Variants in ARHGAP26 observed in about 807,000 individuals in gnomAD.
ARHGAP26 encodes rho GTPase-activating protein 26.
Under a neutral mutation model 104.8 loss-of-function variants are expected in ARHGAP26, and 38 were observed. That is an observed-to-expected ratio of 0.36 (90% CI 0.28 to 0.48). ARHGAP26 has a LOEUF of 0.48. Ranked by LOEUF, ARHGAP26 falls within the 20% of genes least tolerant of loss-of-function variation. The pLI, the probability that ARHGAP26 is intolerant of heterozygous loss-of-function variation, is 0.99. For missense variants in ARHGAP26, 704 were observed against 947.9 expected, an observed-to-expected ratio of 0.74 and a Z score of 3.38; for synonymous variants, 341 against 340.0, an observed-to-expected ratio of 1.00 and a Z score of -0.03.
chr5:143,198,988 A>C (rs565735941), intron 20 of ARHGAP26, among the ~76,000 whole-genome samples: 1 of 152,374 alleles, frequency 6.6e-6, no homozygotes, highest in East Asian at 1.9e-4. Context: ...ATTGTAAACT[A>C]GTCAAGCTAT....
chr5:142,995,864 G>T (rs1297855378), intron 11 of ARHGAP26, among the ~76,000 whole-genome samples: 1 of 152,188 alleles, frequency 6.6e-6, no homozygotes, highest in Admixed American at 6.5e-5. Context: ...CCTTTGTAGG[G>T]ACATGGTTGA....
chr5:142,920,826 G>A (rs1598248698), intron 10 of ARHGAP26, among the ~76,000 whole-genome samples: 1 of 152,342 alleles, frequency 6.6e-6, no homozygotes, highest in East Asian at 1.9e-4. Flanking sequence ...AGGATGTTGA[G>A]TGTTCCAGCA....
chr5:142,791,044 C>G (rs948736379), intron 1 of ARHGAP26, among the ~76,000 whole-genome samples: 2 of 151,942 alleles, frequency 1.3e-5, no homozygotes, highest in African/African-American at 4.8e-5. Context: ...AAGCATCAAG[C>G]ATCTCTTGGT....
intron 20 of ARHGAP26, among the ~76,000 whole-genome samples, chr5:143,161,892 C>G (rs1424350866): frequency 6.6e-6 from 1 of 152,116 alleles, no homozygotes; most frequent in East Asian, 1.9e-4. Flanking sequence ...TTTTGTTTAC[C>G]ACTGTATTGA....
chr5:142,894,653 TC>T (rs1400365977), intron 6 of ARHGAP26, among the ~76,000 whole-genome samples: 1 of 152,158 alleles, frequency 6.6e-6, no homozygotes, highest in Non-Finnish European at 1.5e-5. Flanking sequence ...GGGGAGGGGT[TC>T]TCTATCTTGC....
intron 20 of ARHGAP26, chr5:143,169,106 G>A (rs889102109): frequency 5.9e-5 from 9 of 152,202 alleles, no homozygotes; most frequent in Admixed American, 5.2e-4. Flanking sequence ...TCAATCCAGG[G>A]CCTCTCTGGG....
At chr5:142,825,911 G>C (rs1299769806) in intron 1 of ARHGAP26, among the ~76,000 whole-genome samples, 3 of 152,212 alleles carry the variant, frequency 2.0e-5, no homozygotes, top group African/African-American at 7.2e-5. Context: ...CTGTGTGCTG[G>C]CTTGGGAATT....
rs1811418422 is a variant in ARHGAP26 at position 143,223,327 on chromosome 5, A to G, written c.*881A>G. 4.3e-6 allele frequency: 1 copy of G among 233,118 alleles called. No homozygotes were observed. The highest frequency in any genetic ancestry group is 8.5e-6 in the Non-Finnish European group (1 of 117,686). 14.4% of individuals were successfully genotyped at this position (233,118 alleles called of 1,614,324 possible). On this transcript the variant is annotated 3_prime_UTR_variant, in exon 23 of 23. Coordinates refer to ENST00000645722, the MANE Select transcript of ARHGAP26 (RefSeq NM_001135608.3). ...GTGGTCTACTTGAGGCAGATGGGAT[A>G]GTAGCTGGGAACTGTTCCCTTTCTG...
intron 17 of ARHGAP26, among the ~76,000 whole-genome samples, chr5:143,087,594 A>G (rs993715496): frequency 3.0e-5 from 4 of 134,424 alleles, no homozygotes; most frequent in Non-Finnish European, 4.7e-5. Flanking sequence ...TCTGTTACCT[A>G]TGCCAGAATA....
chr5:143,020,332 C>G (rs1780142802), intron 12 of ARHGAP26, among the ~76,000 whole-genome samples: 1 of 152,188 alleles, frequency 6.6e-6, no homozygotes, highest in South Asian at 2.1e-4. Flanking sequence ...ACACATCTGT[C>G]TCTACCTTTA....
chr5:143,194,910 G>A (rs913747727), intron 20 of ARHGAP26, among the ~76,000 whole-genome samples: 4 of 152,180 alleles, frequency 2.6e-5, no homozygotes, highest in African/African-American at 7.2e-5. Context: ...GGGAACACAG[G>A]GAGAGTGTCA....
In ARHGAP26 at chr5:143,013,950, T is replaced by C. The variant is rs1315039073; in HGVS notation, c.1108-130T>C. On this transcript the variant is annotated intron_variant, in intron 11 of 22. Transcript: ENST00000645722. ...AGATAATTATTGAATGGGTTCATGT[T>C]TGGGAGCCAGAAATTACCTTCCACT... The C allele has an allele frequency of 3.6e-6, 3 of 828,708 alleles. No homozygotes were observed. In the Admixed American group the frequency reaches 6.3e-5, roughly 17 times the overall value. The allele number at this position is 828,708 out of a possible 1,614,324, so 51.3% of individuals were successfully genotyped here.
intron 17 of ARHGAP26, 91 bp from the exon 18 acceptor site, chr5:143,120,897 A>C: frequency 7.5e-7 from 1 of 1,335,440 alleles, no homozygotes; most frequent in Non-Finnish European, 1.0e-6. Flanking sequence ...TGAGGAGTCT[A>C]TAAATAGGAA....
chr5:142,865,257 A>G (rs1754059821), intron 1 of ARHGAP26, among the ~76,000 whole-genome samples: 1 of 152,148 alleles, frequency 6.6e-6, no homozygotes, highest in South Asian at 2.1e-4. Flanking sequence ...GATCCAGTAA[A>G]TGTTTATTAA....
At chr5:142,872,331 A>AC (rs745633902) in intron 1 of ARHGAP26, among the ~76,000 whole-genome samples, 17 of 151,298 alleles carry the variant, frequency 1.1e-4, no homozygotes, top group Non-Finnish European at 1.5e-4. Context: ...GCCACAGTAC[A>AC]CCCCCCCACC....
intron 1 of ARHGAP26, among the ~76,000 whole-genome samples, chr5:142,848,128 G>T (rs909287288): frequency 6.6e-6 from 1 of 152,216 alleles, no homozygotes; most frequent in African/African-American, 2.4e-5. Context: ...TTGAACTTCA[G>T]TTGGAGAAGT....
intron 17 of ARHGAP26, among the ~76,000 whole-genome samples, chr5:143,113,572 G>A (rs779809378): frequency 1.6e-4 from 24 of 152,060 alleles, no homozygotes; most frequent in Admixed American, 3.3e-4. Context: ...ATTAGGAACC[G>A]GCTCTGACTG....
intron 17 of ARHGAP26, among the ~76,000 whole-genome samples, chr5:143,078,689 TA>T (rs1239528503): frequency 1.4e-4 from 22 of 152,342 alleles, no homozygotes; most frequent in African/African-American, 5.1e-4. Flanking sequence ...TCCTAGAACT[TA>T]AATTATAATT....
At chr5:143,205,476 C>G (rs1808417420) in intron 20 of ARHGAP26, among the ~76,000 whole-genome samples, 1 of 152,208 alleles carries the variant, frequency 6.6e-6, no homozygotes, top group African/African-American at 2.4e-5. Context: ...TTGTGATTCT[C>G]TATCACTGTA....
Sources: gnomAD v4.1 joint callset for allele counts (sites outside exome capture counted in the v4.1 genomes callset) on GRCh38, gnomAD v4.1.1 for gene constraint, MANE v1.5 for transcripts, NCBI Gene and HGNC (gene_info 2026-07-23, HGNC 2026-07-21) for gene names.